Variants in SHTN1 observed in about 807,000 individuals in gnomAD.
The protein encoded by SHTN1 is shootin 1, also known as shootin-1.
Under a neutral mutation model 83.1 loss-of-function variants are expected in SHTN1, and 42 were observed. The ratio of observed to expected loss-of-function variants is 0.51; its 90% CI spans 0.39 to 0.65. The LOEUF is 0.65. SHTN1 is among the 30% of genes least tolerant of loss of function. The pLI is 0.00. For synonymous variants in SHTN1, 224 were observed against 247.7 expected, an observed-to-expected ratio of 0.90 and a Z score of 0.90; for missense variants, 622 against 737.8, an observed-to-expected ratio of 0.84 and a Z score of 1.82.
At chr10:116,973,372 G>A (rs1440842641) in intron 2 of SHTN1, among the ~76,000 whole-genome samples, 2 of 152,124 alleles carry the variant, frequency 1.3e-5, no homozygotes, top group Non-Finnish European at 2.9e-5. Flanking sequence ...TATATGCACT[G>A]CATATGCACA....
At chr10:117,063,731 C>G (rs1469564673) in intron 1 of SHTN1, among the ~76,000 whole-genome samples, 1 of 152,036 alleles carries the variant, frequency 6.6e-6, no homozygotes, top group Non-Finnish European at 1.5e-5. Context: ...CTTTTTATTC[C>G]TTATAATACT....
chr10:116,983,672 ATAGATAGATAGATAAATACATACATAC>A (rs1564913597), intron 1 of SHTN1, among the ~76,000 whole-genome samples: 38 of 104,540 alleles, frequency 3.6e-4, no homozygotes, highest in South Asian at 2.6e-3. Flanking sequence ...AGATAGATAG[ATAGATAGATAGATAAATACATACATAC>A]ATACATACAT....
intron 5 of SHTN1, 107 bp downstream of exon 5, chr10:116,953,935 T>A: frequency 1.1e-6 from 1 of 952,152 alleles, no homozygotes; most frequent in Non-Finnish European, 1.5e-6. Flanking sequence ...TGCCTAGGCA[T>A]CAGTATTTTG....
chr10:116,891,999 CTAT>C (rs1411941536), intron 16 of SHTN1, among the ~76,000 whole-genome samples: 2 of 152,202 alleles, frequency 1.3e-5, no homozygotes, highest in African/African-American at 2.4e-5. Flanking sequence ...CAGAATACTA[CTAT>C]GTTTGAAAAT....
chr10:117,121,539 A>G (rs1853927164), intron 1 of SHTN1, among the ~76,000 whole-genome samples: 1 of 151,740 alleles, frequency 6.6e-6, no homozygotes, highest in African/African-American at 2.4e-5. Flanking sequence ...AGATCATGCC[A>G]CTATACTCCA....
chr10:117,006,085 G>A (rs1476175456), upstream of SHTN1, among the ~76,000 whole-genome samples: 1 of 152,142 alleles, frequency 6.6e-6, no homozygotes, highest in Non-Finnish European at 1.5e-5. Flanking sequence ...ACCCCTAGTT[G>A]CGAGCTAACC....
intron 1 of SHTN1, among the ~76,000 whole-genome samples, chr10:117,119,532 T>C (rs1853894426): frequency 1.3e-5 from 2 of 152,106 alleles, no homozygotes; most frequent in African/African-American, 4.8e-5. Flanking sequence ...AATCAAAAGA[T>C]AAGCAATACC....
intron 1 of SHTN1, among the ~76,000 whole-genome samples, chr10:117,122,344 T>C (rs1853942539): frequency 6.6e-6 from 1 of 152,086 alleles, no homozygotes; most frequent in Non-Finnish European, 1.5e-5. Context: ...CATACCCAGC[T>C]AACGTTTTTA....
At chr10:117,096,517 T>A (rs1853504905) in intron 1 of SHTN1, among the ~76,000 whole-genome samples, 4 of 152,224 alleles carry the variant, frequency 2.6e-5, no homozygotes, top group Admixed American at 6.5e-5. Context: ...CAGGCTATAT[T>A]GTGAGAGCAT....
intron 9 of SHTN1, among the ~76,000 whole-genome samples, chr10:116,939,925 G>C (rs913659005): frequency 6.6e-6 from 1 of 152,206 alleles, no homozygotes; most frequent in South Asian, 2.1e-4. Context: ...GAGGTAGGCT[G>C]TGTCAGCTGG....
intron 1 of SHTN1, among the ~76,000 whole-genome samples, chr10:117,106,668 T>TA (rs924916470): frequency 3.3e-5 from 5 of 152,174 alleles, no homozygotes; most frequent in African/African-American, 1.2e-4. Flanking sequence ...GCCTGGCATT[T>TA]AAAGCCAAAC....
chr10:117,081,037 A>G (rs1003590238), intron 1 of SHTN1, among the ~76,000 whole-genome samples: 39 of 151,790 alleles, frequency 2.6e-4, no homozygotes, highest in Non-Finnish European at 3.5e-4. Context: ...TCCTTCTCCC[A>G]CCTAATTGCC....
At chr10:116,913,046 A>G (rs1389252736) in intron 13 of SHTN1, among the ~76,000 whole-genome samples, 1 of 152,172 alleles carries the variant, frequency 6.6e-6, no homozygotes, top group Non-Finnish European at 1.5e-5. Context: ...TTTGAACCAC[A>G]CTAGCACCAC....
chr10:117,069,278 T>A (rs1230376026), intron 1 of SHTN1, among the ~76,000 whole-genome samples: 1 of 152,180 alleles, frequency 6.6e-6, no homozygotes, highest in African/African-American at 2.4e-5. Context: ...CATCGATCTT[T>A]ACTGGGTCCG....
At chr10:116,974,002 T>C in intron 2 of SHTN1, 2 of 1,115,994 alleles carry the variant, frequency 1.8e-6, no homozygotes, top group Non-Finnish European at 2.3e-6. Context: ...ATACAACACA[T>C]TAAATCATTC....
intron 15 of SHTN1, among the ~76,000 whole-genome samples, chr10:116,906,130 C>T (rs534530879): frequency 2.0e-5 from 3 of 152,244 alleles, no homozygotes; most frequent in Non-Finnish European, 4.4e-5. Context: ...TTGTGCCATG[C>T]ACATTGCTAA....
chr10:117,004,188 G>T (rs190417324), intron 1 of SHTN1, among the ~76,000 whole-genome samples: 1 of 152,158 alleles, frequency 6.6e-6, no homozygotes, highest in African/African-American at 2.4e-5. Flanking sequence ...CACCCGGCTG[G>T]TTCCTCCCTG....
At chr10:117,006,235 T>G (rs1167370099), upstream of SHTN1, among the ~76,000 whole-genome samples, 1 of 21,298 alleles carries the variant, frequency 4.7e-5, no homozygotes, top group East Asian at 5.4e-3. Flanking sequence ...ATGCAGTTTT[T>G]TTTTGTTTTT....
chr10:116,918,501 A>G (rs1848447962), intron 12 of SHTN1, among the ~76,000 whole-genome samples: 1 of 152,178 alleles, frequency 6.6e-6, no homozygotes, highest in Non-Finnish European at 1.5e-5. Context: ...ATGATATACC[A>G]TATTTCTAAA....
Sources: gnomAD v4.1 joint callset for allele counts (sites outside exome capture counted in the v4.1 genomes callset) on GRCh38, gnomAD v4.1.1 for gene constraint, MANE v1.5 for transcripts, NCBI Gene and HGNC (gene_info 2026-07-23, HGNC 2026-07-21) for gene names.